The following DNAH3 variants were observed in gnomAD, a reference collection of about 807,000 sequenced individuals.
The protein encoded by DNAH3 is axonemal beta dynein heavy chain 3.
In DNAH3, 332 loss-of-function variants were observed where a neutral mutation model predicts 432.5. The observed-to-expected ratio is 0.77, with a 90% CI of 0.70 to 0.84. DNAH3 has a LOEUF of 0.84. DNAH3 is among the 40% of genes least tolerant of loss of function. The pLI, the probability that DNAH3 is intolerant of heterozygous loss-of-function variation, is 0.00. For missense variants in DNAH3, 4,861 were observed against 5,114.0 expected, an observed-to-expected ratio of 0.95 and a Z score of 1.51; for synonymous variants, 1,956 against 1,900.2, an observed-to-expected ratio of 1.03 and a Z score of -0.76.
At chr16:21,097,305 A>T in intron 18 of DNAH3, 50 bp downstream of exon 18, 2 of 1,604,606 alleles carry the variant, frequency 1.2e-6, no homozygotes, top group Non-Finnish European at 8.5e-7. Flanking sequence ...GACTGGGTGG[A>T]TCCTCCACCT....
At chr16:21,131,253 G>A (rs2092550767) in intron 7 of DNAH3, among the ~76,000 whole-genome samples, 1 of 151,824 alleles carries the variant, frequency 6.6e-6, no homozygotes, top group Non-Finnish European at 1.5e-5. Context: ...GAGAGCCCAG[G>A]AGTTTGAGGC....
intron 43 of DNAH3, among the ~76,000 whole-genome samples, chr16:20,998,258 G>GTTTTGT (rs1444637670): frequency 2.0e-5 from 3 of 151,988 alleles, no homozygotes; most frequent in African/African-American, 7.2e-5. Flanking sequence ...TTGTTTGTTT[G>GTTTTGT]TTTTGTTTTT....
chr16:21,134,397 G>A, exon 7 of DNAH3: 1 of 1,614,184 alleles, frequency 6.2e-7, no homozygotes, highest in Non-Finnish European at 8.5e-7. Context: ...AAACAAGCGG[G>A]GGATGCTCTC....
chr16:21,069,095 T>TTGTG (rs71817169), intron 23 of DNAH3, among the ~76,000 whole-genome samples: 4 of 122,564 alleles, frequency 3.3e-5, no homozygotes, highest in African/African-American at 6.4e-5. Flanking sequence ...TGGCTAATAT[T>TTGTG]TGTGTGTGTG....
At chr16:20,971,427 G>T (rs2085337337) in intron 51 of DNAH3, among the ~76,000 whole-genome samples, 1 of 152,050 alleles carries the variant, frequency 6.6e-6, no homozygotes, top group Non-Finnish European at 1.5e-5. Flanking sequence ...TGGGCAGGAG[G>T]GCCACAGCCC....
intron 56 of DNAH3, among the ~76,000 whole-genome samples, chr16:20,951,703 G>A (rs1285664172): frequency 6.7e-6 from 1 of 148,746 alleles, no homozygotes; most frequent in Non-Finnish European, 1.5e-5. Context: ...CCAAAGTGCT[G>A]GGATTACAGG....
At chr16:21,069,809 C>G (rs920013120) in intron 22 of DNAH3, among the ~76,000 whole-genome samples, 1 of 152,166 alleles carries the variant, frequency 6.6e-6, no homozygotes, top group Non-Finnish European at 1.5e-5. Flanking sequence ...TTGCCCTTTA[C>G]GGAGCTCACG....
intron 19 of DNAH3, among the ~76,000 whole-genome samples, chr16:21,086,200 A>T (rs1261946784): frequency 6.6e-6 from 1 of 152,146 alleles, no homozygotes; most frequent in Non-Finnish European, 1.5e-5. Flanking sequence ...TGGAAGTGAC[A>T]ATTATTTTAG....
intron 52 of DNAH3, 144 bp downstream of exon 52, chr16:20,969,648 C>T (rs2085240473): frequency 1.1e-6 from 1 of 943,278 alleles, no homozygotes; most frequent in Non-Finnish European, 1.6e-6. Context: ...GGTGCACACA[C>T]ACAGCCTGGT....
rs561728003 is a variant in DNAH3, at chr16:21,131,085, G to A, written c.1082+3174C>T. Among the ~76,000 whole-genome samples, 4 of 152,078 alleles carry A rather than the reference G, an allele frequency of 2.6e-5. No homozygotes were observed. The East Asian group carries it at 5.8e-4, about 22-fold the overall frequency. ...TAGGCGGTGGCTCATGCCTGTAATC[G>A]CAACACTTTGGGAGGCTGAGGAAGG... On this transcript the variant is annotated intron_variant, in intron 7 of 61. Transcript: ENST00000261383.
intron 16 of DNAH3, chr16:21,104,217 T>A (rs2091899276): frequency 5.5e-6 from 2 of 360,506 alleles, no homozygotes; most frequent in Non-Finnish European, 5.2e-6. Context: ...TTTTTCTCTC[T>A]GCACCACCAA....
At chr16:21,081,766 G>T in intron 19 of DNAH3, 39 bp from the exon 20 acceptor site, 1 of 1,557,876 alleles carries the variant, frequency 6.4e-7, no homozygotes, top group Non-Finnish European at 8.8e-7. Context: ...TGTTGTCCGA[G>T]GCAGTGCTGT....
intron 57 of DNAH3, among the ~76,000 whole-genome samples, chr16:20,946,470 A>C (rs1483633833): frequency 6.6e-6 from 1 of 152,174 alleles, no homozygotes; most frequent in East Asian, 1.9e-4. Flanking sequence ...TGCTCTCAGG[A>C]TCTCCTGAGG....
rs141080921 is a variant in DNAH3 at position 20,963,522 on chromosome 16, C to A, written c.10362G>T (p.Trp3454Cys). The A allele has an allele frequency of 1.7e-4, 279 of 1,613,946 alleles. 1 individual carries two copies. The African/African-American group carries it at 3.3e-3, about 19-fold the overall frequency. Residue 3454 changes from tryptophan (W) to cysteine (C), a missense_variant, in exon 53 of 62, where the codon TGG becomes TGT. Coordinates refer to ENST00000261383, the Ensembl canonical transcript of DNAH3. ...ACCCAGGGAGTTGCTCCTCATGGGGCCAGGCCGAGTCATAGATCAGCTTCC... is the reference window on the plus strand; with the variant it reads ...ACCCAGGGAGTTGCTCCTCATGGGGACAGGCCGAGTCATAGATCAGCTTCC...
intron 58 of DNAH3, among the ~76,000 whole-genome samples, chr16:20,942,501 AACCAGGC>A (rs1250034029): frequency 1.3e-5 from 2 of 152,234 alleles, no homozygotes; most frequent in African/African-American, 4.8e-5. Flanking sequence ...GGGATACACC[AACCAGGC>A]TGGTTTACCT....
chr16:21,038,379 G>A (rs2089274351), intron 33 of DNAH3, among the ~76,000 whole-genome samples: 1 of 152,008 alleles, frequency 6.6e-6, no homozygotes, highest in Admixed American at 6.6e-5. Flanking sequence ...AGCTGGGCAT[G>A]GTAGCATGGC....
chr16:20,975,550 A>G (rs1246713461), intron 50 of DNAH3, 135 bp from the exon 51 acceptor site: 2 of 849,408 alleles, frequency 2.4e-6, no homozygotes, highest in African/African-American at 3.4e-5. Flanking sequence ...TCCTGGGTAC[A>G]GATTCGTTTC....
chr16:20,976,299 TCTC>T (rs1488054409), intron 50 of DNAH3, among the ~76,000 whole-genome samples: 5 of 151,470 alleles, frequency 3.3e-5, no homozygotes, highest in South Asian at 2.1e-4. Context: ...TTCAAGCAAT[TCTC>T]CTGTCTCAGC....
chr16:21,116,748 CA>C lies in DNAH3; in HGVS notation c.1814+454del, dbSNP rs2092211931. Among the ~76,000 whole-genome samples, 3 of 152,276 alleles carry C rather than the reference CA, an allele frequency of 2.0e-5. No individual in the cohort carries two copies. The South Asian group carries it at 6.2e-4, about 32-fold the overall frequency. Reference sequence around the variant, plus strand: ...AAGTTCTGAAAACAGACAGTTGCCTCAAAATTCACTTGGTAGCAAAAGTTGG... The same window carrying C: ...AAGTTCTGAAAACAGACAGTTGCCTCAAATTCACTTGGTAGCAAAAGTTGG... On this transcript the variant is annotated intron_variant, in intron 12 of 61. Transcript: ENST00000261383.
Sources: allele counts gnomAD v4.1 joint callset (sites outside exome capture counted in the v4.1 genomes callset), GRCh38; gene constraint gnomAD v4.1.1; transcripts MANE v1.5; gene names NCBI Gene and HGNC (gene_info 2026-07-23, HGNC 2026-07-21).